COA6: variants seen among roughly 807,000 people sequenced by gnomAD.
The protein encoded by COA6 is cytochrome c oxidase assembly factor 6.
In COA6, 12 loss-of-function variants were observed where a neutral mutation model predicts 17.1. That is an observed-to-expected ratio of 0.70 (90% CI 0.45 to 1.14). The LOEUF (loss-of-function observed/expected upper bound fraction) is 1.14, where lower values mean the gene tolerates loss of function less well. Ranked by LOEUF, COA6 falls within the 50% of genes most tolerant of loss-of-function variation. The probability of loss-of-function intolerance (pLI) is 0.00; values close to 1 mark genes in which losing one functional copy is unlikely to be tolerated. For missense variants in COA6, 246 were observed against 196.5 expected (o/e 1.25, Z -1.51); for synonymous variants, 90 against 73.4 (o/e 1.23, Z -1.16).
intron 2 of COA6, among the ~76,000 whole-genome samples, chr1:234,374,828 GAAAGA>G (rs527749149): frequency 9.2e-5 from 14 of 152,270 alleles, no homozygotes; most frequent in African/African-American, 3.4e-4. Flanking sequence ...GTAAGCAGAA[GAAAGA>G]AAAGGTTCAT....
chr1:234,374,584 G>A (rs1658730287), intron 2 of COA6, among the ~76,000 whole-genome samples, 195 bp downstream of exon 2: 1 of 152,168 alleles, frequency 6.6e-6, no homozygotes, highest in Non-Finnish European at 1.5e-5. Flanking sequence ...AATGTCAACT[G>A]ACACATTAAA....
At chr1:234,375,369 C>T (rs1413596226) in intron 2 of COA6, among the ~76,000 whole-genome samples, 1 of 152,206 alleles carries the variant, frequency 6.6e-6, no homozygotes, top group Non-Finnish European at 1.5e-5. Context: ...TGTTATTACT[C>T]AGCAAGTGGC....
Position 234,383,785 on chromosome 1 carries a change from A to G in COA6, c.435A>G (p.Gln145=), listed in dbSNP as rs1659052740. 1.9e-6 allele frequency: 3 copies of G among 1,579,244 alleles called. No homozygotes were observed. Among genetic ancestry groups the G allele is most frequent in the African/African-American group, 2.7e-5 (2 of 74,004 alleles). Residue 145 remains glutamine (Q), a synonymous_variant, in exon 3 of 3, where the codon CAA becomes CAG. Coordinates refer to ENST00000366615, the MANE Select transcript of COA6 (RefSeq NM_001206641.3). ...TCAAAGAAAAATTTGAAGCAGGACA[A>G]TTTGAGCCTTCAGAAACAACTGCAA... The part of the protein sequence containing the change: ...LKFKEKFEAG[Q]FEPSETTAKS
chr1:234,383,832 A>G lies in COA6; in HGVS notation c.*14A>G, dbSNP rs1659054043. 2 of 1,322,724 alleles carry G rather than the reference A, an allele frequency of 1.5e-6. No homozygotes were observed. The highest frequency in any genetic ancestry group is 1.1e-6 in the Non-Finnish European group (1 of 929,784). 81.9% of individuals were successfully genotyped at this position (1,322,724 alleles called of 1,614,324 possible). The stretch of plus-strand genomic sequence containing the variant: ...GCAAAATCCTAGGCTGTTCATAAAG[A>G]TTGAAAGTATTCTTTCTGGACATTG... On this transcript the variant is annotated 3_prime_UTR_variant, in exon 3 of 3. Coordinates refer to ENST00000366615, the MANE Select transcript of COA6 (RefSeq NM_001206641.3).
rs1324128350 is a variant in COA6, at chr1:234,373,486, A to G, written c.20A>G (p.Gln7Arg). MVARKG[Q>R]KSPRFRRVSC... ...AAGTAAATGGTAGCTCGGAAGGGTCAAAAGAGTCCGCGGTTTCGCCGCGTG... is the reference window on the plus strand; with the variant it reads ...AAGTAAATGGTAGCTCGGAAGGGTCGAAAGAGTCCGCGGTTTCGCCGCGTG... The change falls in exon 1 of 3, where the codon CAA becomes CGA. Residue 7 changes from glutamine (Q) to arginine (R), a missense_variant. Gln to Arg is a conservative substitution (Grantham distance 43, BLOSUM62 1). Coordinates refer to ENST00000366615, the MANE Select transcript of COA6 (RefSeq NM_001206641.3). 3.8e-6 allele frequency: 6 copies of G among 1,576,952 alleles called. No individual in the cohort carries two copies. In the African/African-American group the frequency reaches 4.1e-5, roughly 11 times the overall value.
At chr1:234,375,133 CAAAA>C (rs11341337) in intron 2 of COA6, among the ~76,000 whole-genome samples, 20,490 of 128,460 alleles carry the variant, frequency 0.16, 1,806 homozygotes, top group East Asian at 0.41. Context: ...ACTAAAAATA[CAAAA>C]AAAAAAAAAA....
At chr1:234,373,780 G>A in intron 1 of COA6, 102 bp downstream of exon 1, 1 of 1,613,766 alleles carries the variant, frequency 6.2e-7, no homozygotes. Context: ...AAAACGGGGT[G>A]GCACTCCAAT....
At chr1:234,380,007 G>A (rs756215824) in intron 2 of COA6, among the ~76,000 whole-genome samples, 4 of 152,196 alleles carry the variant, frequency 2.6e-5, no homozygotes, top group Non-Finnish European at 5.9e-5. Flanking sequence ...AAGGGAAGCA[G>A]GTAGTATAGT....
intron 2 of COA6, among the ~76,000 whole-genome samples, chr1:234,380,474 T>C (rs747967462): frequency 1.1e-4 from 17 of 152,212 alleles, no homozygotes; most frequent in Non-Finnish European, 2.1e-4. Flanking sequence ...GATTTGAATG[T>C]CTATGATTTC....
chr1:234,380,097 G>C (rs1658930271), intron 2 of COA6, among the ~76,000 whole-genome samples: 1 of 152,164 alleles, frequency 6.6e-6, no homozygotes. Flanking sequence ...CTGCACCACT[G>C]TTCTTTCTTA....
chr1:234,380,976 GGTGACAGA>G (rs1404110453), intron 2 of COA6, among the ~76,000 whole-genome samples: 2 of 152,128 alleles, frequency 1.3e-5, no homozygotes, highest in African/African-American at 2.4e-5. Context: ...CTCCAGCTTG[GGTGACAGA>G]GTAAGACTGT....
At chr1:234,379,546 G>A (rs1354576208) in intron 2 of COA6, among the ~76,000 whole-genome samples, 2 of 152,164 alleles carry the variant, frequency 1.3e-5, no homozygotes, top group Admixed American at 6.5e-5. Flanking sequence ...GTACCCACGA[G>A]TTGTGACCTG....
chr1:234,381,851 A>G (rs1658982176), intron 2 of COA6, among the ~76,000 whole-genome samples: 1 of 152,264 alleles, frequency 6.6e-6, no homozygotes, highest in African/African-American at 2.4e-5. Context: ...CTGCAACATC[A>G]GTAGGACCTC....
intron 2 of COA6, among the ~76,000 whole-genome samples, chr1:234,377,538 A>G (rs957560465): frequency 6.6e-5 from 10 of 152,172 alleles, no homozygotes; most frequent in Non-Finnish European, 1.5e-4. Context: ...AGACACCAGC[A>G]TCAACTTAGG....
chr1:234,376,246 G>A (rs1276594877), intron 2 of COA6, among the ~76,000 whole-genome samples: 1 of 133,304 alleles, frequency 7.5e-6, no homozygotes, highest in East Asian at 2.2e-4. Context: ...CCAGCCTGAT[G>A]GCTCCCACTC....
In COA6 at chr1:234,385,038, A is replaced by ACTTCTT. The variant is rs60111174; in HGVS notation, c.*1223_*1224insCTTCTT. On this transcript the variant is annotated 3_prime_UTR_variant, in exon 3 of 3. Coordinates refer to ENST00000366615, the MANE Select transcript of COA6 (RefSeq NM_001206641.3). ...AGTATATATGCCTTCATTTTAAAAT[A>ACTTCTT]CTTTTTATTACTAAAAAATGCTAAA... Among the ~76,000 whole-genome samples the ACTTCTT allele has an allele frequency of 6.6e-6, 1 of 151,980 alleles. No homozygotes were observed. The highest frequency in any genetic ancestry group is 1.5e-5 in the Non-Finnish European group (1 of 67,972).
intron 2 of COA6, among the ~76,000 whole-genome samples, chr1:234,383,482 A>C (rs927746637): frequency 1.3e-5 from 2 of 151,974 alleles, no homozygotes; most frequent in African/African-American, 2.4e-5. Context: ...ACATGTATAC[A>C]TATGTAACTA....
chr1:234,380,280 G>A (rs1324693525), intron 2 of COA6, among the ~76,000 whole-genome samples: 1 of 152,216 alleles, frequency 6.6e-6, no homozygotes, highest in Non-Finnish European at 1.5e-5. Context: ...GAGGCACACG[G>A]GAGGGCAAGT....
intron 1 of COA6, 192 bp downstream of exon 1, chr1:234,373,870 C>T: frequency 6.2e-7 from 1 of 1,604,152 alleles, no homozygotes; most frequent in Non-Finnish European, 8.5e-7. Flanking sequence ...AAACTAGGCA[C>T]TGCTGTCCCC....
Sources: allele counts gnomAD v4.1 joint callset (sites outside exome capture counted in the v4.1 genomes callset), GRCh38; gene constraint gnomAD v4.1.1; transcripts MANE v1.5; gene names NCBI Gene and HGNC (gene_info 2026-07-23, HGNC 2026-07-21).